The following SOX5 variants were observed in gnomAD, a reference collection of about 807,000 sequenced individuals.
The protein encoded by SOX5 is SRY-box transcription factor 5.
In SOX5, 9 loss-of-function variants were observed where a neutral mutation model predicts 92.0. The ratio of observed to expected loss-of-function variants is 0.10; its 90% CI spans 0.06 to 0.17. SOX5 has a LOEUF of 0.17. Among genes scored for constraint, SOX5 ranks in the 10% least tolerant of loss-of-function variants. The pLI, the probability that SOX5 is intolerant of heterozygous loss-of-function variation, is 1.00. For synonymous variants in SOX5, 344 were observed against 336.3 expected (o/e 1.02, Z -0.25); for missense variants, 642 against 944.5 (o/e 0.68, Z 4.20).
intron 3 of SOX5, among the ~76,000 whole-genome samples, chr12:24,235,601 T>C (rs1268322888): frequency 5.9e-5 from 9 of 152,200 alleles, no homozygotes; most frequent in Non-Finnish European, 1.3e-4. Context: ...ATATCATAAA[T>C]AAGACCCAGA....
chr12:24,187,698 T>A (rs970523759), intron 4 of SOX5, among the ~76,000 whole-genome samples: 2 of 152,182 alleles, frequency 1.3e-5, no homozygotes, highest in Non-Finnish European at 2.9e-5. Context: ...TTGCCAACTA[T>A]CCTCTGCATT....
Position 24,238,616 on chromosome 12 carries a change from C to T in SOX5, c.-76-25199G>A, listed in dbSNP as rs558169590. On this transcript the variant is annotated intron_variant, in intron 3 of 4. Transcript: ENST00000446891. ...AAGTCATCAGTCTTCCTCAGCTTCC[C>T]AAAGTGCTGGGATTACAGGAGTGAG... Among the ~76,000 whole-genome samples, 3 of 152,270 alleles carry T rather than the reference C, an allele frequency of 2.0e-5. 1 individual carries two copies. In the East Asian group the frequency reaches 5.8e-4, roughly 29 times the overall value.
intron 3 of SOX5, among the ~76,000 whole-genome samples, chr12:23,784,600 A>G (rs1009670012): frequency 1.3e-5 from 2 of 152,204 alleles, no homozygotes; most frequent in African/African-American, 4.8e-5. Context: ...TGCTGGGATT[A>G]GAGGCGTGAG....
intron 4 of SOX5, among the ~76,000 whole-genome samples, chr12:24,056,089 A>G (rs1958067347): frequency 6.6e-6 from 1 of 152,344 alleles, no homozygotes; most frequent in Middle Eastern, 3.4e-3. Context: ...TAGGAGGGTT[A>G]AACACTGAAT....
chr12:24,157,326 T>C (rs1324302818), intron 4 of SOX5, among the ~76,000 whole-genome samples: 2 of 152,252 alleles, frequency 1.3e-5, no homozygotes, highest in East Asian at 3.9e-4. Context: ...ACTTAAATAC[T>C]GCACTAAGTT....
intron 9 of SOX5, among the ~76,000 whole-genome samples, chr12:23,593,291 C>G (rs1175171871): frequency 6.6e-6 from 1 of 152,084 alleles, no homozygotes; most frequent in Non-Finnish European, 1.5e-5. Flanking sequence ...AAGACCTTTT[C>G]TCCCACATTT....
chr12:24,149,358 A>C (rs1951431677), intron 4 of SOX5, among the ~76,000 whole-genome samples: 1 of 152,300 alleles, frequency 6.6e-6, no homozygotes, highest in African/African-American at 2.4e-5. Context: ...ACTCAATAAT[A>C]AAAAAAGAAA....
At chr12:24,076,886 ACT>A (rs1942688766) in intron 4 of SOX5, among the ~76,000 whole-genome samples, 1 of 151,414 alleles carries the variant, frequency 6.6e-6, no homozygotes, top group African/African-American at 2.4e-5. Flanking sequence ...TTATATACTG[ACT>A]TTTCAAATGT....
chr12:24,491,178 C>T (rs1947035888), intron 1 of SOX5, among the ~76,000 whole-genome samples: 2 of 152,046 alleles, frequency 1.3e-5, no homozygotes, highest in African/African-American at 4.8e-5. Flanking sequence ...GGGAAAATTA[C>T]AGATGACTTT....
At chr12:23,862,090 G>C (rs1324227363) in intron 2 of SOX5, among the ~76,000 whole-genome samples, 8 of 151,584 alleles carry the variant, frequency 5.3e-5, no homozygotes, top group Admixed American at 4.6e-4. Context: ...GTTGTCTTTA[G>C]TTAAGATGTT....
intron 2 of SOX5, among the ~76,000 whole-genome samples, chr12:23,847,936 C>G (rs571379035): frequency 5.9e-5 from 9 of 152,250 alleles, no homozygotes; most frequent in Middle Eastern, 3.4e-3. Flanking sequence ...TAAACACACA[C>G]ACACACAGAG....
intron 2 of SOX5, among the ~76,000 whole-genome samples, chr12:23,880,429 G>A (rs879258014): frequency 2.5e-4 from 38 of 152,060 alleles, no homozygotes; most frequent in Non-Finnish European, 4.7e-4. Context: ...GATTTTGATT[G>A]TTTTATGAAC....
chr12:23,626,956 C>T (rs965076595), intron 8 of SOX5, among the ~76,000 whole-genome samples: 4 of 152,020 alleles, frequency 2.6e-5, no homozygotes, highest in African/African-American at 9.7e-5. Context: ...AACGGAACAC[C>T]GGGCATAAAT....
intron 2 of SOX5, among the ~76,000 whole-genome samples, chr12:23,884,149 G>A (rs965301593): frequency 5.3e-5 from 8 of 152,132 alleles, no homozygotes; most frequent in East Asian, 1.9e-4. Flanking sequence ...AAAGTTTTAC[G>A]TGTCTTGACT....
intron 4 of SOX5, among the ~76,000 whole-genome samples, chr12:24,204,769 A>C (rs190866845): frequency 7.2e-4 from 109 of 152,316 alleles, no homozygotes; most frequent in South Asian, 4.8e-3. Context: ...ATCACTTTGC[A>C]TTCCCATCAG....
intron 4 of SOX5, among the ~76,000 whole-genome samples, chr12:24,177,221 G>C (rs11047298): frequency 0.41 from 61,723 of 151,812 alleles, 13,049 homozygotes; most frequent in Middle Eastern, 0.48. Flanking sequence ...TTTTAGCTGA[G>C]GAAACTGAAG....
intron 2 of SOX5, among the ~76,000 whole-genome samples, chr12:24,363,269 T>C (rs1955800247): frequency 6.6e-6 from 1 of 152,134 alleles, no homozygotes; most frequent in Non-Finnish European, 1.5e-5. Flanking sequence ...TAATTTAGAT[T>C]CATTTTTTGG....
chr12:24,248,127 T>C (rs1447500729), intron 3 of SOX5, among the ~76,000 whole-genome samples: 1 of 152,226 alleles, frequency 6.6e-6, no homozygotes, highest in Admixed American at 6.5e-5. Context: ...GGTTCTGGAT[T>C]GAGTCTCTCT....
At chr12:23,570,948 T>A (rs1471360872) in intron 10 of SOX5, among the ~76,000 whole-genome samples, 942 of 10,188 alleles carry the variant, frequency 0.092, 69 homozygotes, top group Non-Finnish European at 0.19. Flanking sequence ...TATATATATA[T>A]ATATATATAT....
Sources: gnomAD v4.1 joint callset for allele counts (sites outside exome capture counted in the v4.1 genomes callset) on GRCh38, gnomAD v4.1.1 for gene constraint, MANE v1.5 for transcripts, NCBI Gene and HGNC (gene_info 2026-07-23, HGNC 2026-07-21) for gene names.